Variants in MYO3A observed in about 807,000 individuals in gnomAD.
The protein encoded by MYO3A is myosin-IIIa.
In MYO3A, 180 loss-of-function variants were observed where a neutral mutation model predicts 192.7. That is an observed-to-expected ratio of 0.93 (90% confidence interval 0.83 to 1.06). The LOEUF (loss-of-function observed/expected upper bound fraction) is 1.06, where lower values mean the gene tolerates loss of function less well. MYO3A is among the 50% of genes least tolerant of loss of function. The pLI is 0.00. For missense variants in MYO3A, 1,896 were observed against 1,905.0 expected (o/e 1.00, Z 0.09); for synonymous variants, 628 against 645.3 (o/e 0.97, Z 0.41).
chr10:26,145,371 A>G, intron 21 of MYO3A, 75 bp from the exon 22 acceptor site: 1 of 1,028,534 alleles, frequency 9.7e-7, no homozygotes, highest in Middle Eastern at 2.1e-4. Flanking sequence ...TGTCCTTTTT[A>G]TGGTAAATAA....
At chr10:26,164,197 T>C (rs1421151691) in intron 26 of MYO3A, among the ~76,000 whole-genome samples, 1 of 152,192 alleles carries the variant, frequency 6.6e-6, no homozygotes, top group Non-Finnish European at 1.5e-5. Context: ...TTTCAACTTA[T>C]CAGCAAAGCT....
rs759749887 is a variant in MYO3A, at chr10:26,147,519, T to C, written c.2595T>C (p.Ser865=). The C allele has an allele frequency of 3.7e-6, 6 of 1,613,916 alleles. No homozygotes were observed. The African/African-American group carries it at 5.3e-5, about 14-fold the overall frequency. ...IVLLLRSSDN[S]VIRQLVNHPL... ...TACTTTTGAGGTCATCCGACAACAG[T>C]GTAATTAGGCAACTAGTCAACCACC... Residue 865 remains serine, a synonymous_variant, in exon 23 of 35, where the codon AGT becomes AGC. Coordinates refer to ENST00000642920, the MANE Select transcript of MYO3A (RefSeq NM_017433.5).
chr10:26,094,484 G>A (rs1836889829), intron 15 of MYO3A, among the ~76,000 whole-genome samples: 1 of 148,058 alleles, frequency 6.8e-6, no homozygotes. Flanking sequence ...GAGTGCAGTG[G>A]CACGATTTCG....
At chr10:26,014,996 A>G (rs1841907952) in intron 6 of MYO3A, among the ~76,000 whole-genome samples, 1 of 152,148 alleles carries the variant, frequency 6.6e-6, no homozygotes, top group African/African-American at 2.4e-5. Context: ...CTATCCCTAG[A>G]AATAGCACTT....
intron 5 of MYO3A, 126 bp from the exon 6 acceptor site, chr10:25,997,033 A>G: frequency 1.4e-6 from 1 of 722,958 alleles, no homozygotes; most frequent in South Asian, 1.7e-5. Context: ...TCAATGTGAA[A>G]CATTTGAGTG....
At chr10:26,124,259 A>G (rs1839063369) in intron 18 of MYO3A, among the ~76,000 whole-genome samples, 1 of 151,932 alleles carries the variant, frequency 6.6e-6, no homozygotes, top group Non-Finnish European at 1.5e-5. Flanking sequence ...TAGGCAACCT[A>G]TGCTAAGAAA....
At chr10:26,204,192 A>T (rs1294513077) in intron 34 of MYO3A, 6 of 152,228 alleles carry the variant, frequency 3.9e-5, no homozygotes, top group Admixed American at 6.5e-5. Context: ...GTTCTAGTCT[A>T]ATCTCAGAGC....
At chr10:26,211,750 T>G in intron 34 of MYO3A, 93 bp from the exon 35 acceptor site, 1 of 1,570,408 alleles carries the variant, frequency 6.4e-7, no homozygotes, top group Non-Finnish European at 8.7e-7. Context: ...TGGCAGAACG[T>G]GGGAGGAAGA....
chr10:26,145,682 C>T, intron 22 of MYO3A, 148 bp downstream of exon 22: 1 of 734,214 alleles, frequency 1.4e-6, no homozygotes, highest in Non-Finnish European at 2.4e-6. Context: ...TAATTATGCC[C>T]TCTGATGTCC....
intron 2 of MYO3A, among the ~76,000 whole-genome samples, chr10:25,936,924 C>T (rs1304840355): frequency 6.6e-6 from 1 of 151,948 alleles, no homozygotes; most frequent in East Asian, 1.9e-4. Context: ...ATCCATTTTT[C>T]CTGATATCTG....
Position 26,153,920 on chromosome 10 carries a change from C to A in MYO3A, c.2706C>A (p.Asn902Lys). The A allele has an allele frequency of 6.3e-7, 1 of 1,590,022 alleles. No individual in the cohort carries two copies. Among genetic ancestry groups the A allele is most frequent in the Non-Finnish European group, 8.6e-7 (1 of 1,158,528 alleles). The change falls in exon 24 of 35, where the codon AAC becomes AAA. Residue 902 changes from asparagine to lysine, a missense_variant. Physicochemically the swap from Asn to Lys is moderately conservative, Grantham distance 94. Transcript: ENST00000642920. ...YQMRTSEKLI[N>K]LAKGDTGEAT... is the part of the protein sequence containing the mutation. Reference sequence around the variant, plus strand: ...TGAGGACTTCAGAAAAATTAATCAACCTGGCAAAGGTAAGAAAATGCTTTT... The same window carrying A: ...TGAGGACTTCAGAAAAATTAATCAAACTGGCAAAGGTAAGAAAATGCTTTT...
chr10:26,087,672 G>A (rs891973778), intron 14 of MYO3A, among the ~76,000 whole-genome samples: 1 of 152,202 alleles, frequency 6.6e-6, no homozygotes, highest in African/African-American at 2.4e-5. Context: ...AATAGAGGTA[G>A]AGCCATGTAA....
intron 31 of MYO3A, among the ~76,000 whole-genome samples, chr10:26,189,460 T>A (rs1015866637): frequency 6.6e-6 from 1 of 152,206 alleles, no homozygotes; most frequent in African/African-American, 2.4e-5. Context: ...AGTGAAAGCT[T>A]CATGAAAGAG....
chr10:26,143,650 G>A (rs914200264), intron 21 of MYO3A, 49 bp downstream of exon 21: 2 of 1,597,718 alleles, frequency 1.3e-6, no homozygotes, highest in African/African-American at 2.7e-5. Flanking sequence ...ATAGAGTCTT[G>A]TCATTCTGAA....
At position 26,096,435 on chromosome 10, in the gene MYO3A, G is replaced by T. The variant is rs774022846; in HGVS notation, c.1617G>T (p.Lys539Asn). ...FYYIYAGLAE[K>N]KKLAHYKLPE... is the part of the protein sequence containing the mutation. ...ACATTTATGCTGGTTTGGCTGAAAA[G>T]AAGAAACTAGCCCATTACAAACTGC... is the stretch of plus-strand genomic sequence containing the variant. The change falls in exon 16 of 35, where the codon AAG becomes AAT. Residue 539 changes from lysine (K) to asparagine (N), a missense_variant. Physicochemically the swap from Lys to Asn is moderately conservative, Grantham distance 94. Coordinates refer to ENST00000642920, the MANE Select transcript of MYO3A (RefSeq NM_017433.5). 16 of 1,613,586 alleles carry T rather than the reference G, an allele frequency of 9.9e-6. No individual in the cohort carries two copies. Among genetic ancestry groups the T allele is most frequent in the African/African-American group, 4.0e-5 (3 of 74,886 alleles).
At chr10:26,097,806 T>A (rs1490435946) in intron 17 of MYO3A, among the ~76,000 whole-genome samples, 1 of 152,204 alleles carries the variant, frequency 6.6e-6, no homozygotes, top group African/African-American at 2.4e-5. Context: ...TTTGGGTTGG[T>A]TCCAAGTCTT....
At chr10:26,090,363 A>T (rs1351116189) in intron 15 of MYO3A, among the ~76,000 whole-genome samples, 1 of 152,224 alleles carries the variant, frequency 6.6e-6, no homozygotes, top group African/African-American at 2.4e-5. Context: ...TTACTGAAAT[A>T]TCGTAGGATG....
chr10:26,001,048 G>T (rs1352830051), intron 6 of MYO3A, among the ~76,000 whole-genome samples: 1 of 152,076 alleles, frequency 6.6e-6, no homozygotes, highest in Non-Finnish European at 1.5e-5. Context: ...AACAGCAAGG[G>T]GAAATCTGCC....
At chr10:26,067,145 G>A in intron 11 of MYO3A, 71 bp downstream of exon 11, 1 of 969,448 alleles carries the variant, frequency 1.0e-6, no homozygotes, top group Non-Finnish European at 1.7e-6. Context: ...CACGGGTATT[G>A]GTAGAAGGGG....
Sources: gnomAD v4.1 joint callset for allele counts (sites outside exome capture counted in the v4.1 genomes callset) on GRCh38, gnomAD v4.1.1 for gene constraint, MANE v1.5 for transcripts, NCBI Gene and HGNC (gene_info 2026-07-23, HGNC 2026-07-21) for gene names.